Variants in FHIP1A observed in about 807,000 individuals in gnomAD.
FHIP1A encodes the protein FHF complex subunit HOOK interacting protein 1A, also known as FHF complex subunit HOOK-interacting protein 1A.
Under a neutral mutation model 88.6 loss-of-function variants are expected in FHIP1A, and 61 were observed. The observed-to-expected ratio is 0.69, with a 90% CI of 0.56 to 0.85. The LOEUF (loss-of-function observed/expected upper bound fraction) is 0.85. Among genes scored for constraint, FHIP1A ranks in the 40% least tolerant of loss-of-function variants. The probability of loss-of-function intolerance (pLI) is 0.00; values close to 1 mark genes in which losing one functional copy is unlikely to be tolerated. For missense variants in FHIP1A, 1,154 were observed against 1,273.5 expected (o/e 0.91, Z 1.43); for synonymous variants, 478 against 496.0 (o/e 0.96, Z 0.48).
intron 9 of FHIP1A, among the ~76,000 whole-genome samples, chr4:151,644,870 G>C (rs753750666): frequency 6.6e-6 from 1 of 152,168 alleles, no homozygotes; most frequent in Non-Finnish European, 1.5e-5. Flanking sequence ...CTGGGGTCCA[G>C]CTATGCTTTG....
At chr4:151,615,794 G>A (rs553490948) in intron 7 of FHIP1A, among the ~76,000 whole-genome samples, 1 of 152,288 alleles carries the variant, frequency 6.6e-6, no homozygotes, top group African/African-American at 2.4e-5. Context: ...GTGGACAGGG[G>A]GTTAGTAGAG....
At chr4:151,525,244 G>A (rs1325392369) in intron 3 of FHIP1A, among the ~76,000 whole-genome samples, 4 of 152,184 alleles carry the variant, frequency 2.6e-5, no homozygotes, top group African/African-American at 7.2e-5. Flanking sequence ...ACCCTATTCT[G>A]TTTTCTTTCT....
At chr4:151,507,731 C>T (rs1463301038) in intron 3 of FHIP1A, among the ~76,000 whole-genome samples, 1 of 152,142 alleles carries the variant, frequency 6.6e-6, no homozygotes, top group East Asian at 1.9e-4. Flanking sequence ...CTACTGCTCT[C>T]CTCATCCCCC....
At chr4:151,528,311 G>C (rs763544413) in intron 3 of FHIP1A, among the ~76,000 whole-genome samples, 18 of 152,134 alleles carry the variant, frequency 1.2e-4, no homozygotes, top group Non-Finnish European at 2.1e-4. Context: ...AAAATCTATG[G>C]TAAACAAATT....
chr4:151,522,455 C>G (rs979627278), intron 3 of FHIP1A, among the ~76,000 whole-genome samples: 1 of 152,230 alleles, frequency 6.6e-6, no homozygotes, highest in African/African-American at 2.4e-5. Context: ...TGGACATCCT[C>G]AGTTGTTCTC....
At chr4:151,572,452 T>G (rs1264436790) in intron 4 of FHIP1A, among the ~76,000 whole-genome samples, 1 of 152,202 alleles carries the variant, frequency 6.6e-6, no homozygotes, top group African/African-American at 2.4e-5. Context: ...GAATACGTAT[T>G]ATAAAGCTGT....
At chr4:151,521,332 AT>A (rs1374662092) in intron 3 of FHIP1A, among the ~76,000 whole-genome samples, 2 of 152,092 alleles carry the variant, frequency 1.3e-5, no homozygotes, top group African/African-American at 4.8e-5. Flanking sequence ...ATATTTAATA[AT>A]TTTTTTCATA....
At chr4:151,544,329 C>T (rs757497811) in intron 3 of FHIP1A, among the ~76,000 whole-genome samples, 10 of 152,180 alleles carry the variant, frequency 6.6e-5, no homozygotes, top group Admixed American at 3.3e-4. Flanking sequence ...AACCCATTGA[C>T]CCCGATCTGG....
chr4:151,501,000 G>A (rs773585131), intron 3 of FHIP1A, among the ~76,000 whole-genome samples: 2 of 152,118 alleles, frequency 1.3e-5, no homozygotes, highest in African/African-American at 4.8e-5. Context: ...TTCACTGTAC[G>A]AATATTGATT....
chr4:151,508,428 C>T (rs1456365896), intron 3 of FHIP1A, among the ~76,000 whole-genome samples: 1 of 152,098 alleles, frequency 6.6e-6, no homozygotes, highest in African/African-American at 2.4e-5. Context: ...AGTCTCTTGC[C>T]TTGAGCTGGG....
At chr4:151,641,145 A>T (rs920903968) in intron 9 of FHIP1A, among the ~76,000 whole-genome samples, 1 of 152,030 alleles carries the variant, frequency 6.6e-6, no homozygotes, top group Admixed American at 6.6e-5. Context: ...AATGAGGATG[A>T]TAGTGATAAT....
At chr4:151,571,164 T>A (rs977210807) in intron 4 of FHIP1A, among the ~76,000 whole-genome samples, 1 of 152,226 alleles carries the variant, frequency 6.6e-6, no homozygotes, top group African/African-American at 2.4e-5. Flanking sequence ...ATTTTCTATC[T>A]GCTCCTTTCA....
chr4:151,422,550 C>T (rs971636382), intron 1 of FHIP1A, among the ~76,000 whole-genome samples: 6 of 152,076 alleles, frequency 3.9e-5, no homozygotes, highest in African/African-American at 1.4e-4. Context: ...CCACGTCCAG[C>T]TAATTTTAAT....
intron 3 of FHIP1A, among the ~76,000 whole-genome samples, chr4:151,544,716 T>C (rs1732421531): frequency 6.6e-6 from 1 of 152,128 alleles, no homozygotes; most frequent in South Asian, 2.1e-4. Context: ...TGCCATGGTA[T>C]TGAGAAAAGG....
chr4:151,411,347 A>ATTTTTTTTTTTTTTTTTTTTT (rs33972159), intron 1 of FHIP1A, among the ~76,000 whole-genome samples: 1 of 132,162 alleles, frequency 7.6e-6, no homozygotes, highest in African/African-American at 3.0e-5. Context: ...AATTATATAT[A>ATTTTTTTTTTTTTTTTTTTTT]TATTTTTTTT....
rs951458840 is a variant in FHIP1A at position 151,571,564 on chromosome 4, A to G, written c.105+5200A>G. On this transcript the variant is annotated intron_variant, in intron 4 of 13. Transcript: ENST00000435205. ...GTGGAGCTCCAAGTAGCCCGAATCT[A>G]AAGTCTAGAGCATCCATGCATGGAT... Among the ~76,000 whole-genome samples the G allele has an allele frequency of 5.3e-5, 8 of 152,096 alleles. 1 individual carries two copies. Among genetic ancestry groups the G allele is most frequent in the Admixed American group, 2.0e-4 (3 of 15,270 alleles).
At chr4:151,527,393 G>A (rs1330924342) in intron 3 of FHIP1A, among the ~76,000 whole-genome samples, 1 of 152,190 alleles carries the variant, frequency 6.6e-6, no homozygotes, top group Non-Finnish European at 1.5e-5. Context: ...GCGTGGCGGC[G>A]CACACCTGCA....
intron 1 of FHIP1A, among the ~76,000 whole-genome samples, chr4:151,437,564 A>G (rs943988890): frequency 2.6e-5 from 4 of 152,192 alleles, no homozygotes; most frequent in African/African-American, 9.6e-5. Flanking sequence ...AGGTCTGCAC[A>G]TATAAATAGT....
chr4:151,510,534 A>G (rs918311483), intron 3 of FHIP1A, among the ~76,000 whole-genome samples: 8 of 152,170 alleles, frequency 5.3e-5, no homozygotes, highest in African/African-American at 1.9e-4. Flanking sequence ...TTAACCTCTT[A>G]CTTAACCTGT....
Sources: allele counts gnomAD v4.1 joint callset (sites outside exome capture counted in the v4.1 genomes callset), GRCh38; gene constraint gnomAD v4.1.1; transcripts MANE v1.5; gene names NCBI Gene and HGNC (gene_info 2026-07-23, HGNC 2026-07-21).